The following DHRSX variants were observed in gnomAD, a reference collection of about 807,000 sequenced individuals.
DHRSX encodes polyprenol dehydrogenase.
Under a neutral mutation model 34.0 loss-of-function variants are expected in DHRSX, and 31 were observed. That is an observed-to-expected ratio of 0.91 (90% CI 0.69 to 1.23). DHRSX has a LOEUF of 1.23. Ranked by LOEUF, DHRSX falls within the 50% of genes most tolerant of loss-of-function variation. The pLI is 0.00. For synonymous variants in DHRSX, 201 were observed against 183.8 expected (o/e 1.09, Z -0.76); for missense variants, 414 against 428.1 (o/e 0.97, Z 0.29).
At chrX:2,397,886 G>A (rs766693075) in intron 3 of DHRSX, among the ~76,000 whole-genome samples, 6 of 151,784 alleles carry the variant, frequency 4.0e-5, no homozygotes, top group South Asian at 2.1e-4. Flanking sequence ...CAGCCTTGTC[G>A]TCTAATGGAA....
At chrX:2,394,206 G>C (rs758968392) in intron 3 of DHRSX, among the ~76,000 whole-genome samples, 83 of 152,308 alleles carry the variant, frequency 5.4e-4, no homozygotes, top group Admixed American at 9.8e-4. Flanking sequence ...GGAGAGGGCA[G>C]GACAAGAATG....
At chrX:2,226,435 C>A (rs1352723865) in intron 6 of DHRSX, among the ~76,000 whole-genome samples, 1 of 152,098 alleles carries the variant, frequency 6.6e-6, no homozygotes, top group Admixed American at 6.6e-5. Flanking sequence ...AGGGTTCCTG[C>A]CAGCATTTGT....
At chrX:2,371,560 C>A (rs184735243) in intron 3 of DHRSX, among the ~76,000 whole-genome samples, 2,413 of 125,408 alleles carry the variant, frequency 0.019, 40 homozygotes, top group Middle Eastern at 0.074. Flanking sequence ...TTACCATAGT[C>A]CCTCCTTCCA....
intron 2 of DHRSX, among the ~76,000 whole-genome samples, chrX:2,417,914 C>A (rs1291141108): frequency 6.6e-6 from 1 of 151,994 alleles, no homozygotes; most frequent in African/African-American, 2.4e-5. Context: ...ATGACCTAAC[C>A]AAACTGTACC....
intron 1 of DHRSX, among the ~76,000 whole-genome samples, chrX:2,451,970 T>C (rs751144578): frequency 1.3e-5 from 2 of 151,782 alleles, no homozygotes; most frequent in South Asian, 4.2e-4. Context: ...CCTAAGTATG[T>C]GGCTAAGGCA....
At chrX:2,256,867 T>C (rs1264502854) in intron 5 of DHRSX, among the ~76,000 whole-genome samples, 1 of 152,044 alleles carries the variant, frequency 6.6e-6, no homozygotes, top group Non-Finnish European at 1.5e-5. Context: ...CCCAAAGACC[T>C]TCTCCTTGCC....
At chrX:2,384,598 A>G (rs1241115927) in intron 3 of DHRSX, among the ~76,000 whole-genome samples, 1 of 152,190 alleles carries the variant, frequency 6.6e-6, no homozygotes, top group Non-Finnish European at 1.5e-5. Context: ...AGTGTTTATC[A>G]TAATTTTGCT....
At chrX:2,452,068 G>T (rs7888948) in intron 1 of DHRSX, among the ~76,000 whole-genome samples, 69,675 of 150,416 alleles carry the variant, frequency 0.46, 18,974 homozygotes, top group African/African-American at 0.75. Flanking sequence ...TCACTAAGCA[G>T]GTGACTAAGG....
intron 3 of DHRSX, 121 bp from the exon 4 acceptor site, chrX:2,291,724 C>A: frequency 1.4e-6 from 1 of 735,102 alleles, no homozygotes; most frequent in East Asian, 2.5e-5. Flanking sequence ...TTTTTTTCTG[C>A]TCTTTTTGAG....
At chrX:2,344,412 G>A (rs185873876) in intron 3 of DHRSX, among the ~76,000 whole-genome samples, 2 of 152,196 alleles carry the variant, frequency 1.3e-5, no homozygotes, top group South Asian at 2.1e-4. Flanking sequence ...GTGTAAATTA[G>A]TTCAACCATT....
intron 1 of DHRSX, among the ~76,000 whole-genome samples, chrX:2,451,673 G>A (rs2044219970): frequency 6.6e-6 from 1 of 152,202 alleles, no homozygotes; most frequent in South Asian, 2.1e-4. Flanking sequence ...GGGACAGGCG[G>A]TGACAGAGAA....
At chrX:2,287,864 G>A (rs2041823424) in intron 4 of DHRSX, among the ~76,000 whole-genome samples, 1 of 152,206 alleles carries the variant, frequency 6.6e-6, no homozygotes, top group African/African-American at 2.4e-5. Context: ...TTCTCATGTG[G>A]TCGACACAAT....
At chrX:2,290,511 T>A (rs2124489642) in intron 4 of DHRSX, among the ~76,000 whole-genome samples, 1 of 152,316 alleles carries the variant, frequency 6.6e-6, no homozygotes, top group South Asian at 2.1e-4. Flanking sequence ...TTACATTGGG[T>A]AATCACAAGA....
intron 1 of DHRSX, among the ~76,000 whole-genome samples, chrX:2,448,946 T>G (rs1158500443): frequency 6.6e-6 from 1 of 152,112 alleles, no homozygotes; most frequent in African/African-American, 2.4e-5. Context: ...CCCAGCACTT[T>G]GGGAGGCTGA....
chrX:2,382,657 C>CCAT (rs1982690018), intron 3 of DHRSX, among the ~76,000 whole-genome samples: 1 of 51,790 alleles, frequency 1.9e-5, no homozygotes. Flanking sequence ...ATCATCACCA[C>CCAT]CATCATCACC....
chrX:2,231,318 A>G (rs1444219827), intron 6 of DHRSX, among the ~76,000 whole-genome samples: 2 of 152,002 alleles, frequency 1.3e-5, no homozygotes, highest in Non-Finnish European at 2.9e-5. Flanking sequence ...GGCATTTCCA[A>G]TGTGTACCTC....
At chrX:2,263,576 T>C (rs1474000045) in intron 5 of DHRSX, among the ~76,000 whole-genome samples, 1 of 150,310 alleles carries the variant, frequency 6.7e-6, no homozygotes, top group Non-Finnish European at 1.5e-5. Flanking sequence ...TGCAGTGGCG[T>C]GATCTTGGCT....
At chrX:2,348,082 T>G (rs780434720) in intron 3 of DHRSX, among the ~76,000 whole-genome samples, 1 of 152,216 alleles carries the variant, frequency 6.6e-6, no homozygotes, top group African/African-American at 2.4e-5. Flanking sequence ...GCCAGGCCAA[T>G]TGGGTCCCTG....
intron 3 of DHRSX, among the ~76,000 whole-genome samples, chrX:2,321,271 A>G (rs1014154130): frequency 4.6e-5 from 7 of 152,196 alleles, no homozygotes; most frequent in African/African-American, 1.7e-4. Context: ...ACCCGGCTCC[A>G]TTGCAGACAG....
Sources: allele counts gnomAD v4.1 joint callset (sites outside exome capture counted in the v4.1 genomes callset), GRCh38; gene constraint gnomAD v4.1.1; transcripts MANE v1.5; gene names NCBI Gene and HGNC (gene_info 2026-07-23, HGNC 2026-07-21).